The following PIK3C2A variants were observed in gnomAD, a reference collection of about 807,000 sequenced individuals.
PIK3C2A encodes phosphatidylinositol 4-phosphate 3-kinase C2 domain-containing subunit alpha.
In PIK3C2A, 97 loss-of-function variants were observed where a neutral mutation model predicts 204.5. That is an observed-to-expected ratio of 0.47 (90% CI 0.40 to 0.56). The LOEUF (loss-of-function observed/expected upper bound fraction) is 0.56, where lower values mean the gene tolerates loss of function less well. Among genes scored for constraint, PIK3C2A ranks in the 20% least tolerant of loss-of-function variants. PIK3C2A has a pLI of 0.00. For synonymous variants in PIK3C2A, 653 were observed against 664.4 expected (o/e 0.98, Z 0.26); for missense variants, 1,735 against 1,969.2 (o/e 0.88, Z 2.25).
Position 17,159,146 on chromosome 11 carries a change from A to G in PIK3C2A, c.1066-3517T>C, listed in dbSNP as rs537768350. Among the ~76,000 whole-genome samples, 9 of 152,266 alleles carry G rather than the reference A, an allele frequency of 5.9e-5. No individual in the cohort carries two copies. In the East Asian group the frequency reaches 9.6e-4, roughly 16 times the overall value. On this transcript the variant is annotated intron_variant, in intron 2 of 32. Coordinates refer to ENST00000691414, the MANE Select transcript of PIK3C2A (RefSeq NM_002645.4). ...AAGCATCAAATCATCTCTTTTCTCCATGGATCTTGCACAGACTTTTCTTCT... is the reference window on the plus strand; with the variant it reads ...AAGCATCAAATCATCTCTTTTCTCCGTGGATCTTGCACAGACTTTTCTTCT...
chr11:17,157,459 CAA>C (rs11387654), intron 2 of PIK3C2A, among the ~76,000 whole-genome samples: 11 of 99,622 alleles, frequency 1.1e-4, no homozygotes, highest in African/African-American at 7.9e-5. Flanking sequence ...GACTCTGTCT[CAA>C]AAAAAAAAAA....
chr11:17,145,256 G>C (rs1850197811), intron 8 of PIK3C2A, among the ~76,000 whole-genome samples: 1 of 152,124 alleles, frequency 6.6e-6, no homozygotes. Flanking sequence ...ATGTGGTTTG[G>C]CTCTATGTCC....
chr11:17,108,862 T>A (rs551357594), intron 22 of PIK3C2A, among the ~76,000 whole-genome samples: 163 of 152,310 alleles, frequency 1.1e-3, no homozygotes, highest in African/African-American at 3.7e-3. Flanking sequence ...TAATATTTCA[T>A]AAATGGCTGA....
chr11:17,142,218 GAT>G (rs1491355166), intron 8 of PIK3C2A, among the ~76,000 whole-genome samples: 3 of 152,152 alleles, frequency 2.0e-5, no homozygotes, highest in Non-Finnish European at 2.9e-5. Flanking sequence ...TCAAGTAATA[GAT>G]ATTTGAGTCT....
At chr11:17,207,671 AG>A (rs973787375) in intron 1 of PIK3C2A, among the ~76,000 whole-genome samples, 176 bp downstream of exon 1, 4 of 151,648 alleles carry the variant, frequency 2.6e-5, no homozygotes, top group African/African-American at 9.7e-5. Flanking sequence ...GCCCGGAGGG[AG>A]GGGGGAGTCG....
intron 1 of PIK3C2A, among the ~76,000 whole-genome samples, chr11:17,189,224 C>A (rs955419497): frequency 6.8e-6 from 1 of 147,094 alleles, no homozygotes; most frequent in Non-Finnish European, 1.5e-5. Context: ...ATTAGACTTA[C>A]TCAATTTAGT....
chr11:17,197,911 T>A (rs1368293353), intron 1 of PIK3C2A, among the ~76,000 whole-genome samples: 3 of 152,074 alleles, frequency 2.0e-5, no homozygotes, highest in African/African-American at 7.2e-5. Flanking sequence ...GAATAGTGAA[T>A]AATAAAAAAT....
At chr11:17,168,619 C>T (rs1851051212) in intron 2 of PIK3C2A, 58 bp downstream of exon 2, 23 of 1,170,202 alleles carry the variant, frequency 2.0e-5, no homozygotes, top group Non-Finnish European at 2.7e-5. Context: ...AAATTATGTA[C>T]ACAAATATGA....
chr11:17,155,033 TCTCAGTTTC>T (rs1850536303), intron 3 of PIK3C2A, among the ~76,000 whole-genome samples: 2 of 152,332 alleles, frequency 1.3e-5, no homozygotes, highest in South Asian at 4.1e-4. Context: ...CTTCTCTGAG[TCTCAGTTTC>T]CTCACCTATA....
At chr11:17,139,337 C>G (rs12280930) in intron 8 of PIK3C2A, among the ~76,000 whole-genome samples, 63,752 of 151,826 alleles carry the variant, frequency 0.42, 13,725 homozygotes, top group Non-Finnish European at 0.47. Context: ...AAATGATTCT[C>G]CTGCCTCAGC....
intron 22 of PIK3C2A, 34 bp from the exon 23 acceptor site, chr11:17,105,339 G>C: frequency 6.4e-7 from 1 of 1,554,082 alleles, no homozygotes; most frequent in Non-Finnish European, 8.7e-7. Flanking sequence ...ATGTAAAACT[G>C]TCTCTCCAAA....
At chr11:17,189,658 T>C (rs1051011272) in intron 1 of PIK3C2A, among the ~76,000 whole-genome samples, 2 of 127,594 alleles carry the variant, frequency 1.6e-5, no homozygotes, top group Non-Finnish European at 3.0e-5. Context: ...CATCGCCCCA[T>C]AAAGAAACCC....
Position 17,106,607 on chromosome 11 carries a change from T to C in PIK3C2A, c.3545-1302A>G, listed in dbSNP as rs1032558068. Among the ~76,000 whole-genome samples the C allele has an allele frequency of 2.1e-4, 32 of 152,054 alleles. 1 individual carries two copies. The highest frequency in any genetic ancestry group is 7.4e-5 in the Non-Finnish European group (5 of 67,992). On this transcript the variant is annotated intron_variant, in intron 22 of 32. Transcript: ENST00000691414. The stretch of plus-strand genomic sequence containing the variant: ...ACCATGCCCAGCTAATTTTTGTATT[T>C]ATTTATTTATTTTTAGTTGAGACAG...
intron 12 of PIK3C2A, among the ~76,000 whole-genome samples, 198 bp from the exon 13 acceptor site, chr11:17,129,665 C>T (rs952923163): frequency 2.6e-5 from 4 of 152,198 alleles, no homozygotes; most frequent in African/African-American, 9.6e-5. Flanking sequence ...GATCTTGGCT[C>T]ACTGCAACCT....
intron 2 of PIK3C2A, among the ~76,000 whole-genome samples, chr11:17,158,392 T>C (rs989641900): frequency 6.7e-6 from 1 of 149,060 alleles, no homozygotes; most frequent in Non-Finnish European, 1.5e-5. Context: ...TATATAATTA[T>C]ATATCTACAG....
chr11:17,150,690 TA>T (rs934747600), intron 3 of PIK3C2A, 35 bp from the exon 4 acceptor site: 3 of 1,504,666 alleles, frequency 2.0e-6, no homozygotes, highest in African/African-American at 2.8e-5. Context: ...AATTCTTTTT[TA>T]AAAAAACTTC....
intron 1 of PIK3C2A, among the ~76,000 whole-genome samples, chr11:17,171,243 C>T (rs1851145927): frequency 6.6e-6 from 1 of 152,168 alleles, no homozygotes; most frequent in African/African-American, 2.4e-5. Flanking sequence ...AAAAGTGCCT[C>T]TCATTGGCCT....
At chr11:17,191,259 C>A (rs1243201118) in intron 1 of PIK3C2A, among the ~76,000 whole-genome samples, 3 of 152,150 alleles carry the variant, frequency 2.0e-5, no homozygotes, top group African/African-American at 7.2e-5. Context: ...ACAGGAGTGT[C>A]CTTCTGGCCA....
At chr11:17,102,526 G>C in intron 24 of PIK3C2A, 136 bp downstream of exon 24, 1 of 638,398 alleles carries the variant, frequency 1.6e-6, no homozygotes, top group Non-Finnish European at 2.8e-6. Flanking sequence ...TATGTGGTAT[G>C]GTCATATCTT....
Sources: gnomAD v4.1 joint callset for allele counts (sites outside exome capture counted in the v4.1 genomes callset) on GRCh38, gnomAD v4.1.1 for gene constraint, MANE v1.5 for transcripts, NCBI Gene and HGNC (gene_info 2026-07-23, HGNC 2026-07-21) for gene names.